TSTD2: variants seen among roughly 807,000 people sequenced by gnomAD.
TSTD2 encodes thiosulfate sulfurtransferase/rhodanese-like domain-containing protein 2.
TSTD2 carries 37 observed loss-of-function variants against 47.9 expected under a neutral mutation model. The ratio of observed to expected loss-of-function variants is 0.77; its 90% CI spans 0.59 to 1.02. The LOEUF (loss-of-function observed/expected upper bound fraction) is 1.02, where lower values mean the gene tolerates loss of function less well. Ranked by LOEUF, TSTD2 falls within the 50% of genes least tolerant of loss-of-function variation. The probability of loss-of-function intolerance (pLI) is 0.00; values close to 1 mark genes in which losing one functional copy is unlikely to be tolerated. For missense variants in TSTD2, 586 were observed against 616.0 expected (o/e 0.95, Z 0.52); for synonymous variants, 201 against 215.9 (o/e 0.93, Z 0.61).
Position 97,601,172 on chromosome 9 carries a change from T to G in TSTD2, c.*1297A>C. The stretch of plus-strand genomic sequence containing the variant: ...TGTTGCAGGGACAACCATCCCCATT[T>G]GGCTTCTCCTTAAAACACAATTGCA... On this transcript the variant is annotated 3_prime_UTR_variant, in exon 10 of 10. Transcript: ENST00000341170. The G allele has an allele frequency of 1.5e-6, 2 of 1,300,122 alleles. No individual in the cohort carries two copies. Among genetic ancestry groups the G allele is most frequent in the Middle Eastern group, 2.1e-4 (1 of 4,682 alleles). 80.5% of individuals were successfully genotyped at this position (1,300,122 alleles called of 1,614,324 possible). A position where few individuals can be genotyped will look rare whatever the true frequency, so the allele number is the denominator to read the frequency against.
Position 97,601,983 on chromosome 9 carries a change from G to C in TSTD2, c.*486C>G, listed in dbSNP as rs540024551. ...GATGGTTATTTCTACAAAAGCAGGA[G>C]GTAAGCCCAATGCACAGCTTGCAGA... On this transcript the variant is annotated 3_prime_UTR_variant, in exon 10 of 10. Transcript: ENST00000341170. 1 of 153,882 alleles carries C rather than the reference G, an allele frequency of 6.5e-6. No individual in the cohort carries two copies. The highest frequency in any genetic ancestry group is 1.9e-4 in the East Asian group (1 of 5,204). The allele number at this position is 153,882 out of a possible 1,614,324, so 9.5% of individuals were successfully genotyped here.
At chr9:97,604,067 A>G (rs1417855179) in intron 9 of TSTD2, 1 of 152,238 alleles carries the variant, frequency 6.6e-6, no homozygotes, top group Non-Finnish European at 1.5e-5. Flanking sequence ...AAAATATCAA[A>G]GTCTTTTTCA....
chr9:97,604,779 C>CA lies in TSTD2; in HGVS notation c.1199dup (p.Leu400PhefsTer5). 1 of 1,614,204 alleles carries CA rather than the reference C, an allele frequency of 6.2e-7. No individual in the cohort carries two copies. The highest frequency in any genetic ancestry group is 1.1e-5 in the South Asian group (1 of 91,086). On this transcript the variant is annotated frameshift_variant, in exon 9 of 10. Transcript: ENST00000341170. LOFTEE classifies it high-confidence loss of function. ...GAGCATAGCGTTCATCAAAAACAAA[C>CA]AACTTCCCTTTGTAAAAGCCATCAG... is the stretch of plus-strand genomic sequence containing the variant.
At chr9:97,610,283 CTTAT>C in intron 6 of TSTD2, 59 bp downstream of exon 6, 1 of 1,448,820 alleles carries the variant, frequency 6.9e-7, no homozygotes, top group Non-Finnish European at 9.5e-7. Context: ...GCCTAGCTTT[CTTAT>C]TTGTCTATTA....
chr9:97,610,759 T>C (rs772357666), intron 5 of TSTD2: 6 of 186,882 alleles, frequency 3.2e-5, no homozygotes, highest in Middle Eastern at 3.9e-3. Context: ...TTTCCTATCA[T>C]TGCCAGCATG....
rs1288044027 is a variant in TSTD2 at position 97,617,744 on chromosome 9, GAGA to G, written c.603+10_603+12del. ...GGACCCAGTGAAGGAAGGAATATAG[GAGA>G]AGGTGTTACCTTGCCTGTGAGGTGC... On this transcript the variant is annotated intron_variant, in intron 4 of 9. Coordinates refer to ENST00000341170, the MANE Select transcript of TSTD2 (RefSeq NM_139246.5). 6.2e-6 allele frequency: 10 copies of G among 1,610,520 alleles called. No individual in the cohort carries two copies. Among genetic ancestry groups the G allele is most frequent in the Non-Finnish European group, 7.6e-6 (9 of 1,178,856 alleles).
chr9:97,621,325 GTGA>G (rs1178272738), intron 3 of TSTD2, among the ~76,000 whole-genome samples: 1 of 152,088 alleles, frequency 6.6e-6, no homozygotes, highest in Admixed American at 6.5e-5. Flanking sequence ...TCAAGACCCT[GTGA>G]TGATTGTGTT....
chr9:97,603,889 C>A (rs1178547870), intron 9 of TSTD2, among the ~76,000 whole-genome samples: 4 of 152,168 alleles, frequency 2.6e-5, no homozygotes, highest in Non-Finnish European at 1.5e-5. Context: ...ACATAGTGAG[C>A]TATGTTGCCC....
chr9:97,613,561 T>C (rs1244802887), intron 4 of TSTD2, among the ~76,000 whole-genome samples: 1 of 152,056 alleles, frequency 6.6e-6, no homozygotes, highest in Non-Finnish European at 1.5e-5. Context: ...GTTGGTTGTT[T>C]TCGTACTACA....
chr9:97,609,649 G>A (rs1826425118), intron 6 of TSTD2, among the ~76,000 whole-genome samples: 1 of 152,124 alleles, frequency 6.6e-6, no homozygotes, highest in South Asian at 2.1e-4. Context: ...ATATCGTTTT[G>A]CATCTTTTAA....
intron 4 of TSTD2, among the ~76,000 whole-genome samples, chr9:97,615,626 G>C (rs981359802): frequency 6.6e-6 from 1 of 152,178 alleles, no homozygotes; most frequent in African/African-American, 2.4e-5. Context: ...TCATTAAACT[G>C]GGCATGTATC....
intron 4 of TSTD2, among the ~76,000 whole-genome samples, chr9:97,613,079 G>A (rs925149182): frequency 2.0e-5 from 3 of 152,206 alleles, no homozygotes; most frequent in African/African-American, 7.2e-5. Flanking sequence ...TCAAGATTAA[G>A]CTCTGCCACT....
chr9:97,600,649 A>ACTT lies in TSTD2; in HGVS notation c.*1817_*1819dup. On this transcript the variant is annotated 3_prime_UTR_variant, in exon 10 of 10. Coordinates refer to ENST00000341170, the MANE Select transcript of TSTD2 (RefSeq NM_139246.5). ...AGAGACTTCAGCTACTGATCTCATC[A>ACTT]CTTATTAGACAAATTGCTGCTGACC... 1 of 990,510 alleles carries ACTT rather than the reference A, an allele frequency of 1.0e-6. No individual in the cohort carries two copies. Among genetic ancestry groups the ACTT allele is most frequent in the South Asian group, 4.6e-5 (1 of 21,846 alleles). 61.4% of individuals were successfully genotyped at this position (990,510 alleles called of 1,614,324 possible).
intron 4 of TSTD2, among the ~76,000 whole-genome samples, chr9:97,613,258 T>A (rs1266375269): frequency 6.6e-6 from 1 of 152,208 alleles, no homozygotes; most frequent in Non-Finnish European, 1.5e-5. Flanking sequence ...TACATGAGCA[T>A]GTATCTCTGC....
At chr9:97,627,342 A>G (rs780316819) in intron 2 of TSTD2, 56 bp downstream of exon 2, 198 of 1,506,150 alleles carry the variant, frequency 1.3e-4, no homozygotes, top group Non-Finnish European at 1.7e-4. Context: ...CCGACTTCCA[A>G]ATGTATCTGC....
intron 4 of TSTD2, 131 bp from the exon 5 acceptor site, chr9:97,611,830 G>A: frequency 1.2e-6 from 1 of 846,946 alleles, no homozygotes; most frequent in East Asian, 2.5e-5. Flanking sequence ...GGACACCAAA[G>A]TGTTACTGGA....
Position 97,632,119 on chromosome 9 carries a change from C to T in TSTD2, c.-51+1124G>A, listed in dbSNP as rs1215959766. Among the ~76,000 whole-genome samples the T allele has an allele frequency of 2.0e-5, 3 of 152,136 alleles. No homozygotes were observed. The East Asian group carries it at 5.8e-4, about 29-fold the overall frequency. On this transcript the variant is annotated intron_variant, in intron 1 of 9. Transcript: ENST00000341170. ...GCTAAATGCTAATAAATATAATATT[C>T]GTTGAATGAAATAAAACAGTGATTG... is the stretch of plus-strand genomic sequence containing the variant.
intron 6 of TSTD2, among the ~76,000 whole-genome samples, chr9:97,609,784 A>G (rs924251671): frequency 1.3e-5 from 2 of 152,234 alleles, no homozygotes; most frequent in African/African-American, 4.8e-5. Flanking sequence ...AGAGCTGGCC[A>G]TTAATCAGTT....
At chr9:97,625,497 G>A (rs1826704099) in intron 3 of TSTD2, among the ~76,000 whole-genome samples, 184 bp downstream of exon 3, 2 of 152,206 alleles carry the variant, frequency 1.3e-5, no homozygotes, top group South Asian at 4.1e-4. Flanking sequence ...CTTTTCCAAA[G>A]TGGTTGTGCC....
Sources: allele counts gnomAD v4.1 joint callset (sites outside exome capture counted in the v4.1 genomes callset), GRCh38; gene constraint gnomAD v4.1.1; transcripts MANE v1.5; gene names NCBI Gene and HGNC (gene_info 2026-07-23, HGNC 2026-07-21).